NRDC: variants seen among roughly 807,000 people sequenced by gnomAD.
NRDC encodes nardilysin convertase.
Under a neutral mutation model 147.1 loss-of-function variants are expected in NRDC, and 54 were observed. The ratio of observed to expected loss-of-function variants is 0.37; its 90% CI spans 0.29 to 0.46. NRDC has a LOEUF of 0.46. Ranked by LOEUF, NRDC falls within the 20% of genes least tolerant of loss-of-function variation. The pLI, the probability that NRDC is intolerant of heterozygous loss-of-function variation, is 1.00. For missense variants in NRDC, 1,082 were observed against 1,370.6 expected, an observed-to-expected ratio of 0.79 and a Z score of 3.33; for synonymous variants, 440 against 482.1, an observed-to-expected ratio of 0.91 and a Z score of 1.14.
chr1:51,790,783 A>G (rs1678592239), intron 28 of NRDC, 117 bp downstream of exon 28: 1 of 962,986 alleles, frequency 1.0e-6, no homozygotes, highest in Non-Finnish European at 1.6e-6. Context: ...GGGAGACACT[A>G]TTGTAAGAGG....
At chr1:51,867,203 G>A (rs1682853449) in intron 1 of NRDC, among the ~76,000 whole-genome samples, 1 of 152,064 alleles carries the variant, frequency 6.6e-6, no homozygotes, top group Non-Finnish European at 1.5e-5. Context: ...AAAAAAGACT[G>A]AAAAGTATAT....
chr1:51,831,179 A>G (rs1571877814), intron 4 of NRDC, among the ~76,000 whole-genome samples: 1 of 152,318 alleles, frequency 6.6e-6, no homozygotes, highest in East Asian at 1.9e-4. Context: ...AAACATATTT[A>G]GAACAACTCT....
chr1:51,846,328 G>C (rs1020086868), intron 1 of NRDC, among the ~76,000 whole-genome samples: 5 of 152,082 alleles, frequency 3.3e-5, no homozygotes, highest in African/African-American at 1.2e-4. Context: ...TGGCCAGGCT[G>C]GTCTCAAATT....
At chr1:51,846,318 T>G (rs1349596213) in intron 1 of NRDC, among the ~76,000 whole-genome samples, 1 of 152,148 alleles carries the variant, frequency 6.6e-6, no homozygotes, top group Non-Finnish European at 1.5e-5. Flanking sequence ...TTCACCATGT[T>G]GGCCAGGCTG....
At chr1:51,858,629 A>C (rs1682379641) in intron 1 of NRDC, among the ~76,000 whole-genome samples, 1 of 152,222 alleles carries the variant, frequency 6.6e-6, no homozygotes, top group Non-Finnish European at 1.5e-5. Context: ...CAGTGGGTAA[A>C]GCAGACTTGC....
chr1:51,790,283 T>G (rs1678543845), intron 29 of NRDC, among the ~76,000 whole-genome samples: 1 of 152,216 alleles, frequency 6.6e-6, no homozygotes, highest in African/African-American at 2.4e-5. Context: ...GACCTCAATA[T>G]ATAGCATAAA....
chr1:51,856,557 A>G (rs1682252969), intron 1 of NRDC, among the ~76,000 whole-genome samples: 1 of 152,162 alleles, frequency 6.6e-6, no homozygotes, highest in Non-Finnish European at 1.5e-5. Context: ...AGGATATTAC[A>G]GATAAAGAGA....
At chr1:51,847,528 G>C (rs1183303901) in intron 1 of NRDC, among the ~76,000 whole-genome samples, 2 of 152,244 alleles carry the variant, frequency 1.3e-5, no homozygotes, top group African/African-American at 4.8e-5. Context: ...GCCCTGCGGG[G>C]AGTCAGCTAA....
chr1:51,807,670 G>A (rs1164538520), intron 17 of NRDC, among the ~76,000 whole-genome samples: 1 of 152,076 alleles, frequency 6.6e-6, no homozygotes, highest in East Asian at 1.9e-4. Context: ...TCATGCCACT[G>A]CACTCCAACC....
rs367978480 is a variant in NRDC, at chr1:51,825,429, C to A, written c.941-47G>T. ...ATAATAAAACAAAATTCAGTATCTC[C>A]TTTATTATATGGAAATTCAAACTTA... On this transcript the variant is annotated intron_variant, in intron 5 of 30. Transcript: ENST00000352171. The A allele has an allele frequency of 2.2e-6, 3 of 1,334,572 alleles. No individual in the cohort carries two copies. The African/African-American group carries it at 4.5e-5, about 20-fold the overall frequency. The allele number at this position is 1,334,572 out of a possible 1,614,324, so 82.7% of individuals were successfully genotyped here.
At chr1:51,829,597 T>TCAAC (rs1381024647) in intron 4 of NRDC, among the ~76,000 whole-genome samples, 1 of 152,236 alleles carries the variant, frequency 6.6e-6, no homozygotes, top group African/African-American at 2.4e-5. Flanking sequence ...TTTCCAGTGA[T>TCAAC]CAACCCTTCA....
chr1:51,827,723 G>C, intron 5 of NRDC, 73 bp downstream of exon 5: 1 of 1,137,826 alleles, frequency 8.8e-7, no homozygotes, highest in East Asian at 2.4e-5. Flanking sequence ...TAGAGATAAA[G>C]AAGGATAAAT....
intron 18 of NRDC, 81 bp from the exon 19 acceptor site, chr1:51,805,642 T>G (rs1387232882): frequency 1.2e-6 from 1 of 824,394 alleles, no homozygotes; most frequent in Non-Finnish European, 1.9e-6. Context: ...CTAATATATA[T>G]ATTTTTTAAA....
In NRDC at chr1:51,840,269, A is replaced by G. The variant is rs767074500; in HGVS notation, c.587T>C (p.Leu196Ser). 5 of 1,608,580 alleles carry G rather than the reference A, an allele frequency of 3.1e-6. No individual in the cohort carries two copies. The highest frequency in any genetic ancestry group is 2.5e-6 in the Non-Finnish European group (3 of 1,176,624). The part of the protein sequence containing the change: ...LDTEDNELEE[L>S]EERAEARKKT... ...TTTTCTAGCTTCTGCTCTCTCTTCT[A>G]ATTCTTCCAATTCATTATCCTCAGT... The change falls in exon 2 of 31, where the codon TTA becomes TCA. Residue 196 changes from leucine to serine, a missense_variant. By Grantham distance (145) the Leu-to-Ser change is moderately radical (BLOSUM62 -2). This residue lies in a region of NRDC where 260 missense variants were observed against 253.2 expected (regional missense o/e 1.03). Transcript: ENST00000352171.
At chr1:51,827,723 G>T in intron 5 of NRDC, 73 bp downstream of exon 5, 1 of 1,137,824 alleles carries the variant, frequency 8.8e-7, no homozygotes, top group Non-Finnish European at 1.3e-6. Flanking sequence ...TAGAGATAAA[G>T]AAGGATAAAT....
At chr1:51,859,269 G>A (rs957580560) in intron 1 of NRDC, among the ~76,000 whole-genome samples, 1 of 152,200 alleles carries the variant, frequency 6.6e-6, no homozygotes, top group African/African-American at 2.4e-5. Flanking sequence ...GTGTCTATAT[G>A]TGTTACTTGT....
intron 1 of NRDC, among the ~76,000 whole-genome samples, chr1:51,862,682 C>T (rs1450779649): frequency 6.6e-6 from 1 of 151,720 alleles, no homozygotes; most frequent in Non-Finnish European, 1.5e-5. Context: ...ATGATCATGA[C>T]ACTGCACTCC....
At chr1:51,807,012 C>A in intron 17 of NRDC, 99 bp from the exon 18 acceptor site, 1 of 1,401,996 alleles carries the variant, frequency 7.1e-7, no homozygotes, top group Non-Finnish European at 9.6e-7. Context: ...TTCTCTGTGG[C>A]AAAAATAAGC....
intron 8 of NRDC, 61 bp from the exon 9 acceptor site, chr1:51,819,934 T>C (rs1238408947): frequency 5.9e-6 from 7 of 1,191,564 alleles, no homozygotes; most frequent in East Asian, 2.4e-5. Context: ...GCAATATCTT[T>C]AGGGATATCT....
Sources: allele counts gnomAD v4.1 joint callset (sites outside exome capture counted in the v4.1 genomes callset), GRCh38; gene constraint gnomAD v4.1.1; regional missense constraint gnomAD v4.1.1; transcripts MANE v1.5; gene names NCBI Gene and HGNC (gene_info 2026-07-23, HGNC 2026-07-21).